PDE10A: variants seen among roughly 807,000 people sequenced by gnomAD.
The protein encoded by PDE10A is phosphodiesterase 10A, also known as cAMP and cAMP-inhibited cGMP 3',5'-cyclic phosphodiesterase 10A.
A neutral mutation model predicts 97.7 loss-of-function variants in PDE10A; 39 were observed. The ratio of observed to expected loss-of-function variants is 0.40; its 90% CI spans 0.31 to 0.52. The LOEUF is 0.52. Among genes scored for constraint, PDE10A ranks in the 20% least tolerant of loss-of-function variants. The pLI is 0.56. For missense variants in PDE10A, 731 were observed against 1,047.8 expected, an observed-to-expected ratio of 0.70 and a Z score of 4.17; for synonymous variants, 371 against 376.8, an observed-to-expected ratio of 0.98 and a Z score of 0.18.
intron 1 of PDE10A, among the ~76,000 whole-genome samples, chr6:165,650,611 C>A (rs1184303358): frequency 6.6e-6 from 1 of 152,206 alleles, no homozygotes; most frequent in African/African-American, 2.4e-5. Context: ...CAAGCGCCCA[C>A]TCGTAGACAG....
chr6:165,798,928 G>A (rs942541582), intron 1 of PDE10A, among the ~76,000 whole-genome samples: 4 of 152,164 alleles, frequency 2.6e-5, no homozygotes, highest in African/African-American at 9.7e-5. Context: ...GGCTGGTCTG[G>A]AACTCCTGAC....
intron 1 of PDE10A, among the ~76,000 whole-genome samples, chr6:165,847,331 T>C (rs940310167): frequency 6.6e-6 from 1 of 152,214 alleles, no homozygotes; most frequent in African/African-American, 2.4e-5. Context: ...GTCATTAAGC[T>C]CACGCAAGCG....
intron 1 of PDE10A, chr6:165,909,106 A>C (rs1387893372): frequency 6.6e-6 from 1 of 152,248 alleles, no homozygotes; most frequent in African/African-American, 2.4e-5. Context: ...AAATGTTGAA[A>C]AAAAAAATGG....
intron 5 of PDE10A, among the ~76,000 whole-genome samples, chr6:165,448,601 C>T (rs1039701442): frequency 6.6e-6 from 1 of 152,072 alleles, no homozygotes; most frequent in Non-Finnish European, 1.5e-5. Flanking sequence ...AGGGTACAGG[C>T]ATTCCTCTAC....
At chr6:165,428,212 A>T (rs1023604618) in intron 10 of PDE10A, among the ~76,000 whole-genome samples, 4 of 152,112 alleles carry the variant, frequency 2.6e-5, no homozygotes, top group Non-Finnish European at 5.9e-5. Context: ...ACCTAAAAGT[A>T]CTCAGTAGCA....
In PDE10A at chr6:165,388,256, C is replaced by G. The variant is rs2128212839; in HGVS notation, c.2610+42G>C. ...CTATGAAGTATCCCTATCTCCCAGA[C>G]AGCCCTTCAGACTAAGCGAGAGACG... is the stretch of plus-strand genomic sequence containing the variant. On this transcript the variant is annotated intron_variant, in intron 17 of 21. Coordinates refer to ENST00000539869, the MANE Select transcript of PDE10A (RefSeq NM_001385079.1). The surrounding 1 kb of genome is among the most constrained non-coding windows in gnomAD (Gnocchi z 4.0). The G allele has an allele frequency of 6.3e-7, 1 of 1,595,910 alleles. No homozygotes were observed. The highest frequency in any genetic ancestry group is 8.6e-7 in the Non-Finnish European group (1 of 1,164,596).
intron 3 of PDE10A, among the ~76,000 whole-genome samples, chr6:165,454,522 G>A (rs929599835): frequency 2.0e-5 from 3 of 152,254 alleles, no homozygotes; most frequent in African/African-American, 7.2e-5. Flanking sequence ...ATTACTGGGG[G>A]AGTGAATTAG....
intron 1 of PDE10A, among the ~76,000 whole-genome samples, chr6:165,656,891 C>T (rs1204374393): frequency 1.3e-5 from 2 of 152,128 alleles, no homozygotes; most frequent in Non-Finnish European, 2.9e-5. Context: ...GTGTGCTCCT[C>T]GAAATAACTG....
chr6:165,548,388 C>T (rs1044784885), intron 1 of PDE10A, among the ~76,000 whole-genome samples: 11 of 142,952 alleles, frequency 7.7e-5, no homozygotes, highest in Admixed American at 7.6e-5. Context: ...ATATTTAGGT[C>T]TCTTTGGTCC....
At chr6:165,420,830 C>T (rs1037866181) in intron 10 of PDE10A, among the ~76,000 whole-genome samples, 1 of 152,102 alleles carries the variant, frequency 6.6e-6, no homozygotes, top group Non-Finnish European at 1.5e-5. Flanking sequence ...AACAAATTCC[C>T]GTACAATTTA....
chr6:165,919,867 G>C (rs1017074292), intron 1 of PDE10A, among the ~76,000 whole-genome samples: 3 of 152,178 alleles, frequency 2.0e-5, no homozygotes. Context: ...GAAGCAGAAC[G>C]TGCCCTTCTT....
At chr6:165,406,755 T>A (rs1353571212) in intron 13 of PDE10A, among the ~76,000 whole-genome samples, 1 of 152,112 alleles carries the variant, frequency 6.6e-6, no homozygotes, top group African/African-American at 2.4e-5. Context: ...CCTGCCCTTA[T>A]CCAATGCAGT....
At chr6:165,969,893 G>T (rs1405178733) in intron 1 of PDE10A, among the ~76,000 whole-genome samples, 2 of 152,168 alleles carry the variant, frequency 1.3e-5, no homozygotes, top group South Asian at 2.1e-4. Flanking sequence ...TGGAGAAAAA[G>T]AAAATGTTTA....
At chr6:165,836,757 G>A (rs1161705373) in intron 1 of PDE10A, among the ~76,000 whole-genome samples, 1 of 151,990 alleles carries the variant, frequency 6.6e-6, no homozygotes, top group African/African-American at 2.4e-5. Context: ...ACCTCCCATG[G>A]TACCTCTGAA....
chr6:165,366,887 C>T (rs569156947), intron 18 of PDE10A, among the ~76,000 whole-genome samples: 3 of 152,264 alleles, frequency 2.0e-5, no homozygotes, highest in African/African-American at 7.2e-5. Flanking sequence ...AAGTTAATTA[C>T]CTTCAGAGAA....
chr6:165,943,290 A>AAGGAAG, intron 1 of PDE10A, among the ~76,000 whole-genome samples: 1 of 82,024 alleles, frequency 1.2e-5, no homozygotes, highest in African/African-American at 6.6e-5. Context: ...AAAGAAAGAA[A>AAGGAAG]GAAGGAAAGA....
chr6:165,879,387 C>T lies in PDE10A; in HGVS notation c.-615+108142G>A, dbSNP rs143210674. ...CAGCAAAATACTTGGCAGCAGAGAA[C>T]CCCATCAACAACCAACCTCTGTGTC... is the stretch of plus-strand genomic sequence containing the variant. On this transcript the variant is annotated intron_variant, in intron 1 of 19. Transcript: ENST00000366882. Among the ~76,000 whole-genome samples, 496 of 152,286 alleles carry T rather than the reference C, an allele frequency of 3.3e-3. 6 individuals carry two copies. Among genetic ancestry groups the T allele is most frequent in the Non-Finnish European group, 3.2e-3 (220 of 68,022 alleles).
intron 1 of PDE10A, among the ~76,000 whole-genome samples, chr6:165,764,695 G>T (rs1045433556): frequency 3.3e-5 from 5 of 152,196 alleles, no homozygotes; most frequent in Non-Finnish European, 4.4e-5. Context: ...CGGCTCAGGA[G>T]TGAAGCTGCA....
At chr6:165,941,603 G>C (rs2128492692) in intron 1 of PDE10A, among the ~76,000 whole-genome samples, 1 of 152,160 alleles carries the variant, frequency 6.6e-6, no homozygotes, top group South Asian at 2.1e-4. Flanking sequence ...ACGAGATTTG[G>C]TCACTTAAAA....
Sources: gnomAD v4.1 joint callset for allele counts (sites outside exome capture counted in the v4.1 genomes callset) on GRCh38, gnomAD v4.1.1 for gene constraint, Gnocchi (gnomAD v3.1) non-coding constraint, MANE v1.5 for transcripts, NCBI Gene and HGNC (gene_info 2026-07-23, HGNC 2026-07-21) for gene names.